KIF9: variants seen among roughly 807,000 people sequenced by gnomAD.
KIF9 encodes kinesin family member 9.
A neutral mutation model predicts 94.8 loss-of-function variants in KIF9; 68 were observed. The ratio of observed to expected loss-of-function variants is 0.72; its 90% CI spans 0.59 to 0.88. KIF9 has a LOEUF of 0.88. Ranked by LOEUF, KIF9 falls within the 40% of genes least tolerant of loss-of-function variation. KIF9 has a pLI of 0.00. For missense variants in KIF9, 882 were observed against 982.5 expected, an observed-to-expected ratio of 0.90 and a Z score of 1.37; for synonymous variants, 343 against 362.1, an observed-to-expected ratio of 0.95 and a Z score of 0.60.
At chr3:47,251,416 T>C (rs116646325) in intron 10 of KIF9, among the ~76,000 whole-genome samples, 234 of 152,028 alleles carry the variant, frequency 1.5e-3, no homozygotes, top group African/African-American at 5.3e-3. Flanking sequence ...AAATAAAAAA[T>C]AGCTGGGTGC....
At chr3:47,262,418 C>T (rs950743836) in intron 9 of KIF9, among the ~76,000 whole-genome samples, 4 of 151,862 alleles carry the variant, frequency 2.6e-5, no homozygotes, top group African/African-American at 7.3e-5. Flanking sequence ...TACAGGCGCC[C>T]GCCACCACAC....
At chr3:47,255,567 A>G (rs568725969) in intron 10 of KIF9, among the ~76,000 whole-genome samples, 2 of 152,282 alleles carry the variant, frequency 1.3e-5, no homozygotes, top group African/African-American at 4.8e-5. Context: ...AGCTTAGAGC[A>G]GCAGTTCTCA....
chr3:47,279,706 C>A (rs1394947399), intron 1 of KIF9, among the ~76,000 whole-genome samples: 1 of 151,648 alleles, frequency 6.6e-6, no homozygotes, highest in Non-Finnish European at 1.5e-5. Context: ...AAGCTCCGCC[C>A]CCCAGGTTCA....
chr3:47,241,865 CATAT>C (rs200180172), intron 16 of KIF9, among the ~76,000 whole-genome samples: 56 of 109,384 alleles, frequency 5.1e-4, no homozygotes, highest in African/African-American at 2.2e-3. Context: ...TATATATACA[CATAT>C]ATATATATAT....
intron 10 of KIF9, among the ~76,000 whole-genome samples, chr3:47,251,893 C>T (rs1700295557): frequency 6.6e-6 from 1 of 152,174 alleles, no homozygotes. Context: ...GGGAGGGTCA[C>T]TGCAGGTTAT....
At position 47,247,371 on chromosome 3, in the gene KIF9, AC is replaced by A; in HGVS notation, c.1233+1del. 6.2e-7 allele frequency: 1 copy of A among 1,606,320 alleles called. No individual in the cohort carries two copies. Among genetic ancestry groups the A allele is most frequent in the Non-Finnish European group, 8.5e-7 (1 of 1,173,116 alleles). On this transcript the variant is annotated splice_donor_variant, in intron 12 of 20. Coordinates refer to ENST00000684063, the MANE Select transcript of KIF9 (RefSeq NM_182902.4). LOFTEE classifies it high-confidence loss of function. ...CATAGTGGTCACAGAGGGGTTCCTT[AC>A]GTCGATCTCGTCCAGTGTCCCCTCC...
At chr3:47,263,691 C>T (rs1004054092) in intron 9 of KIF9, 19 of 362,116 alleles carry the variant, frequency 5.2e-5, no homozygotes, top group African/African-American at 4.0e-4. Context: ...TTCCCCATCA[C>T]CCCCATCCTG....
At chr3:47,263,862 A>G (rs1450289806) in intron 9 of KIF9, 5 of 457,210 alleles carry the variant, frequency 1.1e-5, no homozygotes, top group Admixed American at 9.4e-5. Context: ...GCTTAATACC[A>G]TCTGCTCATA....
intron 17 of KIF9, chr3:47,240,257 G>C: frequency 4.3e-6 from 1 of 233,454 alleles, no homozygotes; most frequent in Non-Finnish European, 8.7e-6. Context: ...CCTGCCACCA[G>C]CTCTAGGAGA....
chr3:47,269,661 GCT>G (rs1193691612), intron 5 of KIF9, among the ~76,000 whole-genome samples: 3 of 152,048 alleles, frequency 2.0e-5, no homozygotes, highest in African/African-American at 4.8e-5. Context: ...GAGTGCAATG[GCT>G]TAATCTCAGC....
In KIF9 at chr3:47,264,331, G is replaced by T; in HGVS notation, c.936C>A (p.Val312=). Residue 312 remains valine, a synonymous_variant, in exon 9 of 21, where the codon GTC becomes GTA. Transcript: ENST00000684063. ...CTTCTCCATAGATGTTTGTCACGAG[G>T]ACCATATTGCAGTTTCCCCCTGCGG... ...KDSLGGNCNM[V]LVTNIYGEAA... 6.2e-7 allele frequency: 1 copy of T among 1,613,720 alleles called. No individual in the cohort carries two copies. Among genetic ancestry groups the T allele is most frequent in the South Asian group, 1.1e-5 (1 of 91,056 alleles).
Position 47,249,053 on chromosome 3 carries a change from G to A in KIF9, c.1060-967C>T, listed in dbSNP as rs76686769. Among the ~76,000 whole-genome samples the A allele has an allele frequency of 1.9e-3, 284 of 149,724 alleles. 2 individuals carry two copies. Among genetic ancestry groups the A allele is most frequent in the African/African-American group, 6.7e-3 (272 of 40,708 alleles). On this transcript the variant is annotated intron_variant, in intron 10 of 20. Transcript: ENST00000684063. Reference sequence around the variant, plus strand: ...GCCTGGCCTCCAGGATGCTTTCTATGCATGGTTATAACCTCATCCTTTCAC... The same window carrying A: ...GCCTGGCCTCCAGGATGCTTTCTATACATGGTTATAACCTCATCCTTTCAC...
chr3:47,271,242 A>C lies in KIF9; in HGVS notation c.586T>G (p.Phe196Val), dbSNP rs750120666. Residue 196 changes from phenylalanine (F) to valine (V), a missense_variant, in exon 5 of 21, where the codon TTT (phenylalanine) becomes GTT (valine). Physicochemically the swap from Phe to Val is conservative, Grantham distance 50 (BLOSUM62 -1). Transcript: ENST00000684063. ...SQEEDAFSLLFEGETNRIIAS... is the reference protein window; with the variant it reads ...SQEEDAFSLLVEGETNRIIAS... ...CTCAGGTTTTATTATCTCACCTCAA[A>C]AAGGAGGCTGAATGCATCCTCCTCC... 7 of 1,610,506 alleles carry C rather than the reference A, an allele frequency of 4.3e-6. No homozygotes were observed. The highest frequency in any genetic ancestry group is 5.9e-6 in the Non-Finnish European group (7 of 1,177,078).
At position 47,264,327 on chromosome 3, in the gene KIF9, C is replaced by T. The variant is rs757543762; in HGVS notation, c.940G>A (p.Val314Met). 3.2e-5 allele frequency: 51 copies of T among 1,613,612 alleles called. No individual in the cohort carries two copies. In the East Asian group the frequency reaches 4.2e-4, roughly 13 times the overall value. ...SLGGNCNMVL[V>M]TNIYGEAAQL... ...GCAGCTTCTCCATAGATGTTTGTCA[C>T]GAGGACCATATTGCAGTTTCCCCCT... Residue 314 changes from valine to methionine, a missense_variant, in exon 9 of 21, where the codon GTG (valine) becomes ATG (methionine). Transcript: ENST00000684063.
chr3:47,245,405 T>C lies in KIF9; in HGVS notation c.1380+16A>G. The C allele has an allele frequency of 6.2e-7, 1 of 1,603,044 alleles. No individual in the cohort carries two copies. Among genetic ancestry groups the C allele is most frequent in the Non-Finnish European group, 8.5e-7 (1 of 1,169,870 alleles). ...ATCTGAGGTGAGTGCTGTCGGCAAG[T>C]AGCAACTATGCTTACCTTCTGGATA... is the stretch of plus-strand genomic sequence containing the variant. On this transcript the variant is annotated intron_variant, in intron 14 of 20. Transcript: ENST00000684063.
At chr3:47,231,307 C>G (rs1181153982) in intron 20 of KIF9, among the ~76,000 whole-genome samples, 7 of 151,132 alleles carry the variant, frequency 4.6e-5, no homozygotes, top group Non-Finnish European at 8.8e-5. Flanking sequence ...GGTAAAGCCT[C>G]TAAGTGTGCT....
At position 47,250,531 on chromosome 3, in the gene KIF9, G is replaced by A. The variant is rs138685675; in HGVS notation, c.1060-2445C>T. The A allele has an allele frequency of 4.2e-5, 19 of 451,796 alleles. No homozygotes were observed. The East Asian group carries it at 8.6e-4, about 20-fold the overall frequency. 28.0% of individuals were successfully genotyped at this position (451,796 alleles called of 1,614,324 possible). ...TGATACTTTTTTTTTCAGATCAGAC[G>A]GGTAATGTGCCAATGTCGTAACAAG... On this transcript the variant is annotated intron_variant, in intron 10 of 20. Transcript: ENST00000684063.
chr3:47,267,323 G>T, intron 5 of KIF9, 60 bp from the exon 6 acceptor site: 1 of 1,245,752 alleles, frequency 8.0e-7, no homozygotes, highest in Non-Finnish European at 1.2e-6. Context: ...AGGCACTTGG[G>T]TCATTTTTCA....
At chr3:47,251,639 G>A (rs1031311032) in intron 10 of KIF9, among the ~76,000 whole-genome samples, 4 of 152,196 alleles carry the variant, frequency 2.6e-5, no homozygotes, top group Non-Finnish European at 5.9e-5. Flanking sequence ...ACTCATGTAA[G>A]TTTCCTAATA....
Sources: gnomAD v4.1 joint callset for allele counts (sites outside exome capture counted in the v4.1 genomes callset) on GRCh38, gnomAD v4.1.1 for gene constraint, MANE v1.5 for transcripts, NCBI Gene and HGNC (gene_info 2026-07-23, HGNC 2026-07-21) for gene names.